The following ITPR1 variants were observed in gnomAD, a reference collection of about 807,000 sequenced individuals.
ITPR1 encodes the protein inositol 1,4,5-trisphosphate-gated calcium channel ITPR1.
A neutral mutation model predicts 318.4 loss-of-function variants in ITPR1; 96 were observed. That is an observed-to-expected ratio of 0.30 (90% confidence interval 0.26 to 0.36). The LOEUF (loss-of-function observed/expected upper bound fraction) is 0.36. Ranked by LOEUF, ITPR1 falls within the 10% of genes least tolerant of loss-of-function variation. The pLI, the probability that ITPR1 is intolerant of heterozygous loss-of-function variation, is 1.00. For synonymous variants in ITPR1, 1,312 were observed against 1,289.9 expected (o/e 1.02, Z -0.37); for missense variants, 2,440 against 3,460.2 (o/e 0.71, Z 7.40).
At position 4,645,781 on chromosome 3, in the gene ITPR1, T is replaced by G. The variant is rs776575087; in HGVS notation, c.855+53T>G. ...TGGGTTTAGAGGATATCAGCCTGTA[T>G]ATAGGCTCTCTCTCTCTCTATCCTA... On this transcript the variant is annotated intron_variant, in intron 10 of 61. Coordinates refer to ENST00000649015, the MANE Select transcript of ITPR1 (RefSeq NM_001378452.1). The G allele has an allele frequency of 4.2e-6, 6 of 1,418,870 alleles. 1 individual carries two copies. The South Asian group carries it at 6.0e-5, about 14-fold the overall frequency. 87.9% of individuals were successfully genotyped at this position (1,418,870 alleles called of 1,614,324 possible).
At chr3:4,666,674 G>T (rs1029190997) in intron 17 of ITPR1, among the ~76,000 whole-genome samples, 1 of 152,114 alleles carries the variant, frequency 6.6e-6, no homozygotes, top group Admixed American at 6.5e-5. Context: ...AAAAATTAAA[G>T]CAAGTTTCAA....
intron 55 of ITPR1, among the ~76,000 whole-genome samples, chr3:4,810,600 A>C (rs2048875704): frequency 6.6e-6 from 1 of 152,180 alleles, no homozygotes; most frequent in East Asian, 1.9e-4. Context: ...AATTGATGAT[A>C]ATTACTATTT....
chr3:4,680,194 C>G (rs1249644973), intron 24 of ITPR1, among the ~76,000 whole-genome samples: 1 of 152,180 alleles, frequency 6.6e-6, no homozygotes, highest in Non-Finnish European at 1.5e-5. Context: ...GGCAACTTCA[C>G]TCTTTTCAGT....
chr3:4,584,089 A>G (rs568068206), intron 4 of ITPR1, among the ~76,000 whole-genome samples: 13 of 152,258 alleles, frequency 8.5e-5, no homozygotes, highest in African/African-American at 2.6e-4. Context: ...TATAAGAAAC[A>G]CATAATTTTG....
rs887912520 is a variant in ITPR1, at chr3:4,766,545, C to T, written c.5560C>T (p.Arg1854Cys). The T allele has an allele frequency of 8.7e-6, 14 of 1,613,186 alleles. No individual in the cohort carries two copies. The African/African-American group carries it at 9.4e-5, about 11-fold the overall frequency. The change falls in exon 45 of 62, where the codon CGC becomes TGC. Residue 1854 changes from arginine (R) to cysteine (C), a missense_variant. Transcript: ENST00000649015. ...TCCTTTGCAGCACTCCTTTTTCTGT[C>T]GCTTGACAGAAGATAAGAAGTCAGA... ...NTTIQHSFFCRLTEDKKSEKF... is the reference protein window; with the variant it reads ...NTTIQHSFFCCLTEDKKSEKF...
intron 4 of ITPR1, among the ~76,000 whole-genome samples, chr3:4,522,975 G>T (rs191676138): frequency 9.9e-5 from 15 of 152,242 alleles, no homozygotes; most frequent in Non-Finnish European, 2.1e-4. Flanking sequence ...ATCCAGCTCA[G>T]GGATTTTGAG....
chr3:4,517,394 T>C (rs1242738896), intron 3 of ITPR1, among the ~76,000 whole-genome samples: 3 of 152,166 alleles, frequency 2.0e-5, no homozygotes, highest in African/African-American at 7.2e-5. Flanking sequence ...CTCAAATAAA[T>C]TGGGGGAAGG....
chr3:4,799,249 C>T (rs959153253), intron 53 of ITPR1, among the ~76,000 whole-genome samples: 5 of 152,318 alleles, frequency 3.3e-5, no homozygotes, highest in South Asian at 2.1e-4. Context: ...GGGCTTGACA[C>T]GATGTCTAAC....
intron 34 of ITPR1, among the ~76,000 whole-genome samples, chr3:4,698,979 C>A (rs1427843319): frequency 1.3e-5 from 2 of 152,138 alleles, no homozygotes; most frequent in African/African-American, 4.8e-5. Flanking sequence ...GTCAGTTATT[C>A]TGAAATATGG....
intron 55 of ITPR1, among the ~76,000 whole-genome samples, chr3:4,807,207 A>G (rs1474898207): frequency 6.6e-6 from 1 of 151,430 alleles, no homozygotes; most frequent in Non-Finnish European, 1.5e-5. Context: ...GAGCAAGGGA[A>G]GCTCTTCAGG....
At chr3:4,743,022 T>G (rs2043820834) in intron 44 of ITPR1, among the ~76,000 whole-genome samples, 1 of 152,260 alleles carries the variant, frequency 6.6e-6, no homozygotes, top group Non-Finnish European at 1.5e-5. Flanking sequence ...GGTGCAAAAG[T>G]AATTGCGGTT....
chr3:4,720,565 G>C lies in ITPR1; in HGVS notation c.5136+3166G>C, dbSNP rs921856484. Among the ~76,000 whole-genome samples the C allele has an allele frequency of 2.0e-5, 3 of 152,196 alleles. No homozygotes were observed. The East Asian group carries it at 5.8e-4, about 29-fold the overall frequency. The stretch of plus-strand genomic sequence containing the variant: ...GTACTGTGGTTCAGTGGACGTGTCT[G>C]TTTCTACGTATTTGAGATGTGATTC... On this transcript the variant is annotated intron_variant, in intron 40 of 61. Coordinates refer to ENST00000649015, the MANE Select transcript of ITPR1 (RefSeq NM_001378452.1).
At position 4,733,194 on chromosome 3, in the gene ITPR1, G is replaced by C; in HGVS notation, c.5327G>C (p.Gly1776Ala). The C allele has an allele frequency of 6.2e-7, 1 of 1,614,036 alleles. No homozygotes were observed. The highest frequency in any genetic ancestry group is 8.5e-7 in the Non-Finnish European group (1 of 1,179,882). Residue 1776 changes from glycine (G) to alanine (A), a missense_variant, in exon 43 of 62, where the codon GGA becomes GCA. This residue lies in a region of ITPR1 where 166 missense variants were observed against 143.7 expected (regional missense o/e 1.16). Transcript: ENST00000649015. ...TSFGNGPLSA[G>A]GPGKPGGGGG... is the part of the protein sequence containing the mutation. ...TTTGGCAATGGCCCACTGTCAGCAG[G>C]AGGACCCGGCAAGCCCGGGGGAGGA...
chr3:4,662,595 T>C (rs1194894246), intron 15 of ITPR1, among the ~76,000 whole-genome samples: 1 of 152,080 alleles, frequency 6.6e-6, no homozygotes, highest in Non-Finnish European at 1.5e-5. Flanking sequence ...TGATGGCGGA[T>C]GCCTGTAATC....
At chr3:4,530,185 A>G (rs762519366) in intron 4 of ITPR1, among the ~76,000 whole-genome samples, 15 of 152,364 alleles carry the variant, frequency 9.8e-5, no homozygotes, top group Middle Eastern at 3.4e-3. Flanking sequence ...AATCTTGAGT[A>G]TAGTATTTAT....
chr3:4,541,788 G>C (rs2084484295), intron 4 of ITPR1, among the ~76,000 whole-genome samples: 1 of 152,018 alleles, frequency 6.6e-6, no homozygotes, highest in African/African-American at 2.4e-5. Flanking sequence ...ACCATGCCCA[G>C]CTAATTTTTG....
chr3:4,603,058 G>A (rs185414780), intron 4 of ITPR1, among the ~76,000 whole-genome samples: 189 of 152,182 alleles, frequency 1.2e-3, no homozygotes, highest in Non-Finnish European at 2.2e-3. Context: ...CAAAATATAT[G>A]CAGATGAAAC....
chr3:4,650,098 A>T (rs11716699), intron 10 of ITPR1, among the ~76,000 whole-genome samples: 142,866 of 152,286 alleles, frequency 0.94, 67,542 homozygotes, highest in East Asian at 1. Context: ...CATTGTATGG[A>T]TGTATCATAT....
At chr3:4,801,007 G>C (rs1353127996) in intron 54 of ITPR1, among the ~76,000 whole-genome samples, 1 of 152,190 alleles carries the variant, frequency 6.6e-6, no homozygotes, top group Non-Finnish European at 1.5e-5. Context: ...GAAAAGAGGG[G>C]ATAGGTAAGA....
Sources: allele counts gnomAD v4.1 joint callset (sites outside exome capture counted in the v4.1 genomes callset), GRCh38; gene constraint gnomAD v4.1.1; regional missense constraint gnomAD v4.1.1; transcripts MANE v1.5; gene names NCBI Gene and HGNC (gene_info 2026-07-23, HGNC 2026-07-21).